Variants in STX18 observed in about 807,000 individuals in gnomAD.
STX18 encodes the protein syntaxin-18.
In STX18, 40 loss-of-function variants were observed where a neutral mutation model predicts 50.1. The observed-to-expected ratio is 0.80, with a 90% CI of 0.62 to 1.04. The LOEUF is 1.04. Among genes scored for constraint, STX18 ranks in the 50% least tolerant of loss-of-function variants. The probability of loss-of-function intolerance (pLI) is 0.00; values close to 1 mark genes in which losing one functional copy is unlikely to be tolerated. For missense variants in STX18, 410 were observed against 415.8 expected (o/e 0.99, Z 0.12); for synonymous variants, 158 against 151.8 (o/e 1.04, Z -0.30).
intron 1 of STX18, among the ~76,000 whole-genome samples, chr4:4,485,767 G>A (rs991867961): frequency 6.6e-6 from 1 of 152,134 alleles, no homozygotes; most frequent in Non-Finnish European, 1.5e-5. Context: ...GTTTCTGTGG[G>A]ATGCACCTAC....
chr4:4,426,876 G>C (rs936152443), intron 7 of STX18, among the ~76,000 whole-genome samples: 2 of 152,256 alleles, frequency 1.3e-5, no homozygotes, highest in Non-Finnish European at 2.9e-5. Flanking sequence ...CCCTGGCCAC[G>C]TGACATCTCC....
chr4:4,480,818 T>C (rs28703275), intron 1 of STX18, among the ~76,000 whole-genome samples: 21,117 of 152,200 alleles, frequency 0.14, 1,522 homozygotes, highest in African/African-American at 0.17. Context: ...AGCAGTTTTT[T>C]CCCAAGGACT....
intron 1 of STX18, among the ~76,000 whole-genome samples, chr4:4,537,506 G>A (rs1201457050): frequency 6.6e-6 from 1 of 152,138 alleles, no homozygotes. Flanking sequence ...CTGTAAGAGA[G>A]AGCAGAGGAT....
At chr4:4,439,318 A>T (rs1007333070) in intron 5 of STX18, among the ~76,000 whole-genome samples, 4 of 150,090 alleles carry the variant, frequency 2.7e-5, no homozygotes, top group African/African-American at 9.9e-5. Context: ...ACATATACAC[A>T]TACCATATAT....
At chr4:4,518,778 G>C (rs924050966) in intron 1 of STX18, among the ~76,000 whole-genome samples, 3 of 152,050 alleles carry the variant, frequency 2.0e-5, no homozygotes, top group Non-Finnish European at 4.4e-5. Flanking sequence ...CCCAGTTCTA[G>C]CCTAGCTCTA....
chr4:4,529,380 G>A (rs1415278023), intron 1 of STX18, among the ~76,000 whole-genome samples: 2 of 152,100 alleles, frequency 1.3e-5, no homozygotes, highest in Non-Finnish European at 2.9e-5. Flanking sequence ...AGAAATGCAC[G>A]GTCACAAGGT....
chr4:4,434,318 T>G (rs34609128), intron 7 of STX18, among the ~76,000 whole-genome samples: 21,126 of 152,184 alleles, frequency 0.14, 2,550 homozygotes, highest in African/African-American at 0.33. Flanking sequence ...TGGTAAGCTA[T>G]AGCAGCTGGA....
At chr4:4,439,257 CATAT>C (rs1387699626) in intron 5 of STX18, among the ~76,000 whole-genome samples, 1 of 135,350 alleles carries the variant, frequency 7.4e-6, no homozygotes, top group Admixed American at 7.6e-5. Context: ...CATATATTCA[CATAT>C]ACTCACCCAC....
rs1727924695 is a variant in STX18 at position 4,471,639 on chromosome 4, C to T, written c.236G>A (p.Ser79Asn). 1 of 1,562,966 alleles carries T rather than the reference C, an allele frequency of 6.4e-7. No homozygotes were observed. Among genetic ancestry groups the T allele is most frequent in the Admixed American group, 2.2e-5 (1 of 46,248 alleles). The change falls in exon 2 of 11, where the codon AGC (serine) becomes AAC (asparagine). Residue 79 changes from serine (S) to asparagine (N), a missense_variant and splice_region_variant. Coordinates refer to ENST00000306200, the MANE Select transcript of STX18 (RefSeq NM_016930.4). Reference sequence around the variant, plus strand: ...TCCTGGTAAAAAAATATGTACTTACCTATAAGCATTAATATAATCTTTCCT... The same window carrying T: ...TCCTGGTAAAAAAATATGTACTTACTTATAAGCATTAATATAATCTTTCCT... The part of the protein sequence containing the change: ...EHRKDYINAY[S>N]HTMSEYGRMT...
At chr4:4,515,538 T>C (rs76073468) in intron 1 of STX18, among the ~76,000 whole-genome samples, 6,204 of 152,244 alleles carry the variant, frequency 0.041, 182 homozygotes, top group Middle Eastern at 0.088. Context: ...TGAAATGGAC[T>C]TTGAATACTA....
At chr4:4,505,692 G>A (rs989520357) in intron 1 of STX18, among the ~76,000 whole-genome samples, 1 of 152,196 alleles carries the variant, frequency 6.6e-6, no homozygotes, top group South Asian at 2.1e-4. Context: ...AGGAGGCTGA[G>A]GCATGACAAT....
At chr4:4,486,219 C>T (rs7695343) in intron 1 of STX18, among the ~76,000 whole-genome samples, 10,462 of 152,240 alleles carry the variant, frequency 0.069, 1,166 homozygotes, top group African/African-American at 0.24. Context: ...TTTCTTTCTA[C>T]TTTTATGCTT....
At chr4:4,494,881 G>A (rs961165816) in intron 1 of STX18, among the ~76,000 whole-genome samples, 1 of 152,196 alleles carries the variant, frequency 6.6e-6, no homozygotes, top group African/African-American at 2.4e-5. Flanking sequence ...AAAACAGAGA[G>A]AGAGTGACTT....
chr4:4,437,046 G>A (rs1725827764), intron 6 of STX18, among the ~76,000 whole-genome samples: 2 of 139,138 alleles, frequency 1.4e-5, no homozygotes, highest in Non-Finnish European at 3.0e-5. Flanking sequence ...TGCAACTTCC[G>A]CCTCCCAGGT....
At chr4:4,457,829 A>G (rs1727160868) in intron 3 of STX18, among the ~76,000 whole-genome samples, 1 of 152,202 alleles carries the variant, frequency 6.6e-6, no homozygotes, top group Non-Finnish European at 1.5e-5. Flanking sequence ...TTCAGCGAAC[A>G]TGTTTAAACA....
chr4:4,482,986 T>C (rs1728534884), intron 1 of STX18, among the ~76,000 whole-genome samples: 1 of 152,216 alleles, frequency 6.6e-6, no homozygotes, highest in South Asian at 2.1e-4. Flanking sequence ...GCTTCCAGAA[T>C]TCAGCATATG....
In STX18 at chr4:4,541,725, G is replaced by C. The variant is rs544639280; in HGVS notation, c.168+72C>G. ...CACAATGCTTACGGGACGGGGTCTGGTTTGGGGCCCGGGGTCCCTGTCGCA... is the reference window on the plus strand; with the variant it reads ...CACAATGCTTACGGGACGGGGTCTGCTTTGGGGCCCGGGGTCCCTGTCGCA... On this transcript the variant is annotated intron_variant, in intron 1 of 10. Coordinates refer to ENST00000306200, the MANE Select transcript of STX18 (RefSeq NM_016930.4). The C allele has an allele frequency of 4.5e-5, 69 of 1,534,776 alleles. 2 individuals carry two copies. In the South Asian group the frequency reaches 8.7e-4, roughly 19 times the overall value.
chr4:4,421,268 A>C (rs1724944734), intron 9 of STX18, among the ~76,000 whole-genome samples: 1 of 152,026 alleles, frequency 6.6e-6, no homozygotes, highest in Admixed American at 6.5e-5. Flanking sequence ...GGCTCAGAGA[A>C]GTTTACTAAC....
chr4:4,434,939 C>T lies in STX18; in HGVS notation c.614-81G>A, dbSNP rs947013717. On this transcript the variant is annotated intron_variant, in intron 6 of 10. Transcript: ENST00000306200. Reference sequence around the variant, plus strand: ...GCTTAGGATGTAGTCATAACACAAACAAGAGATTAAACAGAATCTTACAGC... The same window carrying T: ...GCTTAGGATGTAGTCATAACACAAATAAGAGATTAAACAGAATCTTACAGC... 1.2e-4 allele frequency: 109 copies of T among 941,538 alleles called. 1 individual carries two copies. The South Asian group carries it at 1.5e-3, about 13-fold the overall frequency. 58.3% of individuals were successfully genotyped at this position (941,538 alleles called of 1,614,324 possible).
Sources: gnomAD v4.1 joint callset for allele counts (sites outside exome capture counted in the v4.1 genomes callset) on GRCh38, gnomAD v4.1.1 for gene constraint, MANE v1.5 for transcripts, NCBI Gene and HGNC (gene_info 2026-07-23, HGNC 2026-07-21) for gene names.